The following TASP1 variants were observed in gnomAD, a reference collection of about 807,000 sequenced individuals.
The protein encoded by TASP1 is threonine aspartase 1.
A neutral mutation model predicts 56.6 loss-of-function variants in TASP1; 16 were observed. The ratio of observed to expected loss-of-function variants is 0.28; its 90% CI spans 0.19 to 0.43. TASP1 has a LOEUF of 0.43. Among genes scored for constraint, TASP1 ranks in the 20% least tolerant of loss-of-function variants. The pLI is 1.00. For missense variants in TASP1, 393 were observed against 511.6 expected (o/e 0.77, Z 2.24); for synonymous variants, 179 against 184.2 (o/e 0.97, Z 0.23).
chr20:13,496,197 G>A (rs1471692675), intron 10 of TASP1, among the ~76,000 whole-genome samples: 1 of 152,112 alleles, frequency 6.6e-6, no homozygotes, highest in Non-Finnish European at 1.5e-5. Context: ...GGGATTACAG[G>A]TGCCTGCCAC....
At chr20:13,279,853 G>A in the TASP1 span, 1 of 1,613,954 alleles carries the variant, frequency 6.2e-7, no homozygotes, top group Admixed American at 1.7e-5. Context: ...GGACCATACA[G>A]CCCCAGGCCA....
the TASP1 span, among the ~76,000 whole-genome samples, chr20:13,236,897 C>T: frequency 2.2e-3 from 336 of 152,356 alleles, no homozygotes; most frequent in African/African-American, 7.7e-3. Context: ...TACAGCCTCC[C>T]TCCAGCTGCT....
intron 11 of TASP1, among the ~76,000 whole-genome samples, chr20:13,451,070 T>C (rs1040047332): frequency 5.3e-5 from 8 of 152,212 alleles, no homozygotes; most frequent in South Asian, 4.1e-4. Flanking sequence ...TGCATTGTCA[T>C]AGAACAAAAC....
chr20:13,299,601 C>G, the TASP1 span: 1 of 823,144 alleles, frequency 1.2e-6, no homozygotes, highest in Non-Finnish European at 1.9e-6. The surrounding 1 kb of genome is among the most constrained non-coding windows in gnomAD (Gnocchi z 5.8). Context: ...TCATACATTA[C>G]GCTAGGGGCG....
chr20:13,550,185 CAG>C (rs34234918), intron 8 of TASP1, among the ~76,000 whole-genome samples: 187 of 148,448 alleles, frequency 1.3e-3, no homozygotes, highest in African/African-American at 3.3e-3. Context: ...CACACACACA[CAG>C]AGACACTGCA....
rs1048558874 is a variant in TASP1, at chr20:13,515,295, T to C, written c.874+13138A>G. On this transcript the variant is annotated intron_variant, in intron 10 of 13. Coordinates refer to ENST00000337743, the MANE Select transcript of TASP1 (RefSeq NM_017714.3). The stretch of plus-strand genomic sequence containing the variant: ...CAGGGATACCCAAGAGTCAAGAATA[T>C]ACACCAGATCATCTTAGCTTTAGAT... 2.0e-5 allele frequency among the ~76,000 whole-genome samples: 3 copies of C among 152,054 alleles called. No individual in the cohort carries two copies. The South Asian group carries it at 6.2e-4, about 32-fold the overall frequency.
intron 4 of TASP1, chr20:13,600,755 G>A (rs1323598689): frequency 6.6e-6 from 1 of 151,866 alleles, no homozygotes; most frequent in South Asian, 2.1e-4. Context: ...AAAAAAGCAA[G>A]CCATTATACA....
chr20:13,112,875 C>G, the TASP1 span, among the ~76,000 whole-genome samples: 1 of 152,152 alleles, frequency 6.6e-6, no homozygotes, highest in African/African-American at 2.4e-5. Context: ...TTCTAATTTG[C>G]AACTATCACC....
chr20:13,373,808 G>A, the TASP1 span, among the ~76,000 whole-genome samples: 1 of 152,166 alleles, frequency 6.6e-6, no homozygotes, highest in Non-Finnish European at 1.5e-5. Flanking sequence ...GGAGCTTTCA[G>A]CTGCTATTTC....
At chr20:13,227,927 A>G in the TASP1 span, among the ~76,000 whole-genome samples, 5 of 145,842 alleles carry the variant, frequency 3.4e-5, no homozygotes, top group Non-Finnish European at 7.5e-5. Flanking sequence ...TAATTCTAAG[A>G]TTTACTTATT....
chr20:13,258,589 C>A, the TASP1 span, among the ~76,000 whole-genome samples: 1 of 152,204 alleles, frequency 6.6e-6, no homozygotes, highest in East Asian at 1.9e-4. Context: ...AACATCTCCC[C>A]CTTCATGACC....
chr20:13,201,602 A>T, the TASP1 span, among the ~76,000 whole-genome samples: 2 of 151,736 alleles, frequency 1.3e-5, no homozygotes, highest in African/African-American at 4.8e-5. Flanking sequence ...AGGCAATGAG[A>T]AGAGGAAATA....
At chr20:13,359,143 C>A in the TASP1 span, among the ~76,000 whole-genome samples, 1 of 131,254 alleles carries the variant, frequency 7.6e-6, no homozygotes, top group East Asian at 2.1e-4. Flanking sequence ...TATCTCTGCG[C>A]CCCAGCCACA....
At chr20:13,251,928 A>G in the TASP1 span, among the ~76,000 whole-genome samples, 3 of 152,072 alleles carry the variant, frequency 2.0e-5, no homozygotes, top group African/African-American at 7.3e-5. Flanking sequence ...ATATCTGCAG[A>G]CTTGGGGAGT....
intron 5 of TASP1, among the ~76,000 whole-genome samples, chr20:13,585,588 C>T (rs1311550428): frequency 6.2e-5 from 9 of 145,332 alleles, no homozygotes; most frequent in South Asian, 2.3e-4. Context: ...TATGAAAAGG[C>T]TCTTATAAGT....
chr20:13,222,236 C>T, the TASP1 span, among the ~76,000 whole-genome samples: 3 of 152,028 alleles, frequency 2.0e-5, no homozygotes, highest in Non-Finnish European at 4.4e-5. Flanking sequence ...AATGTGCTTG[C>T]TTGGGGGTGC....
At chr20:13,241,882 C>A in the TASP1 span, among the ~76,000 whole-genome samples, 6 of 151,874 alleles carry the variant, frequency 4.0e-5, no homozygotes, top group Non-Finnish European at 5.9e-5. Context: ...TGAGTTCAAC[C>A]AAAATGGAGG....
the TASP1 span, among the ~76,000 whole-genome samples, chr20:13,210,803 G>A: frequency 3.3e-5 from 5 of 151,846 alleles, no homozygotes; most frequent in South Asian, 2.1e-4. Flanking sequence ...ATAAGTAACC[G>A]AAATCTTCTA....
At chr20:13,300,465 CAAAA>C in the TASP1 span, 1 of 151,434 alleles carries the variant, frequency 6.6e-6, no homozygotes, top group Non-Finnish European at 1.5e-5. Context: ...TTTAAGAAAA[CAAAA>C]AAAACTGCAT....
Sources: gnomAD v4.1 joint callset for allele counts (sites outside exome capture counted in the v4.1 genomes callset) on GRCh38, gnomAD v4.1.1 for gene constraint, Gnocchi (gnomAD v3.1) non-coding constraint, MANE v1.5 for transcripts, NCBI Gene and HGNC (gene_info 2026-07-23, HGNC 2026-07-21) for gene names.